Variants in GPATCH2 observed in about 807,000 individuals in gnomAD.
GPATCH2 encodes the protein G patch domain-containing protein 2.
A neutral mutation model predicts 58.0 loss-of-function variants in GPATCH2; 51 were observed. The observed-to-expected ratio is 0.88, with a 90% CI of 0.70 to 1.11. GPATCH2 has a LOEUF of 1.11. GPATCH2 is among the 50% of genes most tolerant of loss of function. The probability of loss-of-function intolerance (pLI) is 0.00; values close to 1 mark genes in which losing one functional copy is unlikely to be tolerated. For missense variants in GPATCH2, 625 were observed against 652.2 expected (o/e 0.96, Z 0.45); for synonymous variants, 222 against 218.5 (o/e 1.02, Z -0.14).
chr1:217,482,202 C>T (rs927409713), intron 8 of GPATCH2, among the ~76,000 whole-genome samples: 1 of 152,138 alleles, frequency 6.6e-6, no homozygotes, highest in African/African-American at 2.4e-5. Context: ...ATTTATTCTA[C>T]AAATATTTTA....
chr1:217,615,926 T>C (rs936074421), intron 2 of GPATCH2, among the ~76,000 whole-genome samples: 4 of 152,098 alleles, frequency 2.6e-5, no homozygotes, highest in Admixed American at 2.6e-4. Context: ...CCCTCTCTAA[T>C]CTATTCTACA....
chr1:217,455,252 T>C (rs1386233576), intron 8 of GPATCH2, among the ~76,000 whole-genome samples: 1 of 152,152 alleles, frequency 6.6e-6, no homozygotes, highest in African/African-American at 2.4e-5. Context: ...AACTCGGTAA[T>C]TGCCTTGACC....
chr1:217,526,657 C>T (rs112331932), intron 5 of GPATCH2, among the ~76,000 whole-genome samples: 3,999 of 152,244 alleles, frequency 0.026, 78 homozygotes, highest in East Asian at 0.076. Flanking sequence ...CACAGTCAGA[C>T]TGTCATATTT....
At chr1:217,469,582 C>T (rs926690524) in intron 8 of GPATCH2, among the ~76,000 whole-genome samples, 1 of 151,814 alleles carries the variant, frequency 6.6e-6, no homozygotes, top group Non-Finnish European at 1.5e-5. Flanking sequence ...TAAATTGTTC[C>T]TGTAATTGAA....
At chr1:217,455,456 T>A (rs183609453) in intron 8 of GPATCH2, among the ~76,000 whole-genome samples, 1 of 152,136 alleles carries the variant, frequency 6.6e-6, no homozygotes, top group Admixed American at 6.5e-5. Context: ...ACCCCTTAGA[T>A]AGAATGATCT....
At chr1:217,615,511 C>A (rs1030409677) in intron 2 of GPATCH2, among the ~76,000 whole-genome samples, 2 of 152,072 alleles carry the variant, frequency 1.3e-5, no homozygotes, top group African/African-American at 4.8e-5. Flanking sequence ...CAGAAACTAT[C>A]TTTCTGACAT....
chr1:217,623,034 G>A (rs1451533939), intron 1 of GPATCH2, among the ~76,000 whole-genome samples: 4 of 151,922 alleles, frequency 2.6e-5, no homozygotes, highest in Non-Finnish European at 5.9e-5. Context: ...CTTTTCCTGT[G>A]ACATTATTTA....
intron 7 of GPATCH2, 49 bp from the exon 8 acceptor site, chr1:217,491,799 A>G (rs867996182): frequency 2.8e-6 from 2 of 711,290 alleles, no homozygotes; most frequent in Middle Eastern, 3.6e-4. Flanking sequence ...TATTTTCATT[A>G]TATTATTTTG....
chr1:217,523,649 C>T (rs1221715769), intron 5 of GPATCH2, among the ~76,000 whole-genome samples: 2 of 151,728 alleles, frequency 1.3e-5, no homozygotes, highest in African/African-American at 4.9e-5. Context: ...TCCACAAAAC[C>T]GCCATTGTCA....
intron 5 of GPATCH2, among the ~76,000 whole-genome samples, chr1:217,565,083 A>C (rs1317017394): frequency 6.6e-6 from 1 of 152,208 alleles, no homozygotes; most frequent in Non-Finnish European, 1.5e-5. Context: ...TTTTACATTC[A>C]ACTCTAAAAG....
At chr1:217,457,197 T>C (rs540525319) in intron 8 of GPATCH2, among the ~76,000 whole-genome samples, 38 of 152,330 alleles carry the variant, frequency 2.5e-4, no homozygotes, top group Middle Eastern at 3.4e-3. Flanking sequence ...TGCATTGGTT[T>C]GATTTGCATT....
chr1:217,608,864 G>T, intron 5 of GPATCH2: 1 of 984,236 alleles, frequency 1.0e-6, no homozygotes, highest in Non-Finnish European at 1.2e-6. Context: ...ACTCAAAGTT[G>T]CATTTTACCA....
intron 9 of GPATCH2, among the ~76,000 whole-genome samples, chr1:217,445,385 C>G (rs897200098): frequency 6.6e-6 from 1 of 152,048 alleles, no homozygotes; most frequent in Non-Finnish European, 1.5e-5. Flanking sequence ...ATAAGCTATG[C>G]CTTCTACCAA....
chr1:217,498,704 C>G, intron 6 of GPATCH2: 1 of 470,154 alleles, frequency 2.1e-6, no homozygotes, highest in Non-Finnish European at 3.8e-6. Flanking sequence ...ATAAAACCTA[C>G]AAATGCTATC....
chr1:217,476,235 A>AGTGTGTGTGTGTGTGTGTGTGTGTGT (rs60995546), intron 8 of GPATCH2, among the ~76,000 whole-genome samples: 2 of 146,286 alleles, frequency 1.4e-5, no homozygotes, highest in Non-Finnish European at 3.0e-5. Flanking sequence ...TCCAGATATG[A>AGTGTGTGTGTGTGTGTGTGTGTGTGT]GTGTGTGTGT....
chr1:217,475,612 G>A (rs1269620486), intron 8 of GPATCH2, among the ~76,000 whole-genome samples: 2 of 152,124 alleles, frequency 1.3e-5, no homozygotes, highest in African/African-American at 4.8e-5. Flanking sequence ...TAAAAAGTTA[G>A]AGGATCATTT....
intron 9 of GPATCH2, among the ~76,000 whole-genome samples, chr1:217,439,382 AT>A (rs766469908): frequency 2.6e-5 from 4 of 152,210 alleles, no homozygotes; most frequent in Non-Finnish European, 5.9e-5. Context: ...TTAGAGGGAA[AT>A]TGATAGCACT....
At chr1:217,478,794 T>C (rs1661080980) in intron 8 of GPATCH2, among the ~76,000 whole-genome samples, 1 of 152,050 alleles carries the variant, frequency 6.6e-6, no homozygotes, top group South Asian at 2.1e-4. Context: ...ACTAAACAGA[T>C]TTAACCAAAA....
chr1:217,578,908 C>T (rs1363070031), intron 5 of GPATCH2, among the ~76,000 whole-genome samples: 1 of 152,106 alleles, frequency 6.6e-6, no homozygotes, highest in Non-Finnish European at 1.5e-5. Context: ...ATAGAATGAT[C>T]GATACTCTAG....
Sources: allele counts gnomAD v4.1 joint callset (sites outside exome capture counted in the v4.1 genomes callset), GRCh38; gene constraint gnomAD v4.1.1; transcripts MANE v1.5; gene names NCBI Gene and HGNC (gene_info 2026-07-23, HGNC 2026-07-21).